The following ENTREP2 variants were observed in gnomAD, a reference collection of about 807,000 sequenced individuals.
ENTREP2 encodes endosomal transmembrane epsin interactor 2.
chr15:29,624,739 C>T, the ENTREP2 span, among the ~76,000 whole-genome samples: 1 of 152,180 alleles, frequency 6.6e-6, no homozygotes, highest in East Asian at 1.9e-4. Flanking sequence ...AGCCCTCCCT[C>T]ACCTTACTTC....
At chr15:29,362,081 C>T in the ENTREP2 span, among the ~76,000 whole-genome samples, 1 of 152,152 alleles carries the variant, frequency 6.6e-6, no homozygotes, top group Non-Finnish European at 1.5e-5. Context: ...CATCCAGAGG[C>T]ACATCCCAGG....
At chr15:29,645,138 G>T in the ENTREP2 span, among the ~76,000 whole-genome samples, 1 of 152,178 alleles carries the variant, frequency 6.6e-6, no homozygotes. Context: ...CATTATCAGA[G>T]AATTCTTAGA....
chr15:29,289,558 A>G, the ENTREP2 span, among the ~76,000 whole-genome samples: 1 of 152,228 alleles, frequency 6.6e-6, no homozygotes, highest in Non-Finnish European at 1.5e-5. Context: ...AAAAGATTTG[A>G]TATGAGGCAC....
At chr15:29,287,654 G>C in the ENTREP2 span, among the ~76,000 whole-genome samples, 3 of 152,154 alleles carry the variant, frequency 2.0e-5, no homozygotes, top group Admixed American at 2.0e-4. Context: ...GTTCATAGCA[G>C]ACATGCTACG....
At chr15:29,119,644 A>G in the ENTREP2 span, among the ~76,000 whole-genome samples, 27 of 5,144 alleles carry the variant, frequency 5.2e-3, 9 homozygotes, top group Admixed American at 0.017. Context: ...AAAATAAAAT[A>G]AAATAATAAA....
At chr15:29,588,486 G>A in the ENTREP2 span, among the ~76,000 whole-genome samples, 2 of 141,806 alleles carry the variant, frequency 1.4e-5, no homozygotes, top group African/African-American at 5.2e-5. Flanking sequence ...AAGAAAGAGA[G>A]ATCAAGAGAG....
At chr15:29,444,210 G>C in the ENTREP2 span, among the ~76,000 whole-genome samples, 1 of 145,910 alleles carries the variant, frequency 6.9e-6, no homozygotes, top group African/African-American at 2.7e-5. Context: ...AAGAAAGAAA[G>C]AAAGAAAGAA....
the ENTREP2 span, chr15:29,375,186 C>T: frequency 6.6e-6 from 1 of 152,210 alleles, no homozygotes; most frequent in South Asian, 2.1e-4. Flanking sequence ...TTATTCTCCA[C>T]TACTGAGGTA....
the ENTREP2 span, among the ~76,000 whole-genome samples, chr15:29,274,555 C>T: frequency 6.6e-6 from 1 of 152,212 alleles, no homozygotes; most frequent in East Asian, 1.9e-4. Flanking sequence ...CTAAACCTGG[C>T]ATCAGGGGAT....
chr15:29,320,656 G>A, the ENTREP2 span, among the ~76,000 whole-genome samples: 9 of 152,144 alleles, frequency 5.9e-5, no homozygotes, highest in Non-Finnish European at 8.8e-5. Flanking sequence ...AAGAACAGAT[G>A]GGTGGTATAA....
the ENTREP2 span, chr15:29,612,466 C>T: frequency 3.3e-5 from 5 of 151,660 alleles, no homozygotes; most frequent in Non-Finnish European, 5.9e-5. Flanking sequence ...TTCCTCCAGC[C>T]TCTGGCACAC....
At chr15:29,572,066 T>C in the ENTREP2 span, among the ~76,000 whole-genome samples, 2 of 152,216 alleles carry the variant, frequency 1.3e-5, no homozygotes, top group Non-Finnish European at 2.9e-5. Flanking sequence ...GTTAGAGATA[T>C]TGATTCCTTT....
At chr15:29,616,720 T>G in the ENTREP2 span, among the ~76,000 whole-genome samples, 2 of 152,276 alleles carry the variant, frequency 1.3e-5, no homozygotes, top group East Asian at 3.9e-4. Context: ...TGACTCAACT[T>G]TTATATTAGT....
At chr15:29,395,291 A>T in the ENTREP2 span, among the ~76,000 whole-genome samples, 4 of 151,986 alleles carry the variant, frequency 2.6e-5, no homozygotes, top group Non-Finnish European at 5.9e-5. Context: ...CCTTTTAGCT[A>T]TGAGGATAAT....
At chr15:29,631,629 C>T in the ENTREP2 span, among the ~76,000 whole-genome samples, 1 of 152,246 alleles carries the variant, frequency 6.6e-6, no homozygotes, top group Non-Finnish European at 1.5e-5. Flanking sequence ...TTGGGTTGAT[C>T]AGCTGTCTGC....
chr15:29,197,907 T>C, the ENTREP2 span, among the ~76,000 whole-genome samples: 2 of 152,152 alleles, frequency 1.3e-5, no homozygotes, highest in African/African-American at 4.8e-5. Flanking sequence ...GAAGTACAAA[T>C]ACTTTTCAGA....
the ENTREP2 span, among the ~76,000 whole-genome samples, chr15:29,271,600 G>A: frequency 6.6e-6 from 1 of 152,316 alleles, no homozygotes; most frequent in Non-Finnish European, 1.5e-5. Flanking sequence ...GAAGAACATT[G>A]TATAAAGAAC....
chr15:29,518,440 A>C, the ENTREP2 span, among the ~76,000 whole-genome samples: 1 of 152,214 alleles, frequency 6.6e-6, no homozygotes, highest in Non-Finnish European at 1.5e-5. Flanking sequence ...TTTCTAAAAA[A>C]ACAAATAAAA....
At chr15:29,664,952 G>A in the ENTREP2 span, among the ~76,000 whole-genome samples, 1 of 152,168 alleles carries the variant, frequency 6.6e-6, no homozygotes, top group Non-Finnish European at 1.5e-5. Context: ...CTTCTGGAGT[G>A]GCTATTTCAA....
Sources: allele counts gnomAD v4.1 joint callset (sites outside exome capture counted in the v4.1 genomes callset), GRCh38; gene constraint gnomAD v4.1.1; transcripts MANE v1.5; gene names NCBI Gene and HGNC (gene_info 2026-07-23, HGNC 2026-07-21).